COL20A1: variants seen among roughly 807,000 people sequenced by gnomAD.
The protein encoded by COL20A1 is collagen alpha-1(XX) chain.
A neutral mutation model predicts 152.9 loss-of-function variants in COL20A1; 164 were observed. The ratio of observed to expected loss-of-function variants is 1.07; its 90% confidence interval spans 0.94 to 1.22. The LOEUF is 1.22. COL20A1 is among the 50% of genes most tolerant of loss of function. COL20A1 has a pLI of 0.00. For synonymous variants in COL20A1, 864 were observed against 756.0 expected (o/e 1.14, Z -2.34); for missense variants, 1,873 against 1,744.8 (o/e 1.07, Z -1.31).
chr20:63,302,345 G>C (rs2067872020), intron 3 of COL20A1, among the ~76,000 whole-genome samples: 1 of 151,976 alleles, frequency 6.6e-6, no homozygotes, highest in Non-Finnish European at 1.5e-5. Context: ...TATTGAGATG[G>C]AATCTCACTC....
chr20:63,311,987 G>A lies in COL20A1; in HGVS notation c.1735G>A (p.Gly579Ser). ...CGACGCGGCACGAGTGTTCTGGGAG[G>A]GTGCCCCGAGGCCTGTGCGCCTGGT... Reference protein sequence around the residue: ...SHDAARVFWEGAPRPVRLVRV... With the variant: ...SHDAARVFWESAPRPVRLVRV... Residue 579 changes from glycine to serine, a missense_variant, in exon 14 of 36, where the codon GGT (glycine) becomes AGT (serine). Gly to Ser is a moderately conservative substitution (Grantham distance 56). Transcript: ENST00000358894. The surrounding 1 kb of genome is among the most constrained non-coding windows in gnomAD (Gnocchi z 4.4). The A allele has an allele frequency of 1.2e-6, 2 of 1,604,474 alleles. No homozygotes were observed. Among genetic ancestry groups the A allele is most frequent in the South Asian group, 2.2e-5 (2 of 89,696 alleles).
intron 20 of COL20A1, among the ~76,000 whole-genome samples, chr20:63,315,806 G>A (rs1786069166): frequency 6.6e-6 from 1 of 152,228 alleles, no homozygotes; most frequent in Admixed American, 6.5e-5. Flanking sequence ...CCCAGAGAGG[G>A]GCTGAGAGGT....
chr20:63,322,838 C>G (rs2068185796), intron 27 of COL20A1, among the ~76,000 whole-genome samples: 1 of 152,256 alleles, frequency 6.6e-6, no homozygotes, highest in African/African-American at 2.4e-5. Flanking sequence ...TCCCCGTGAG[C>G]AAAGACGTGC....
At chr20:63,299,211 G>A (rs2067836235) in intron 3 of COL20A1, among the ~76,000 whole-genome samples, 1 of 152,200 alleles carries the variant, frequency 6.6e-6, no homozygotes, top group African/African-American at 2.4e-5. Context: ...GATCCCGCGT[G>A]TGTTTCTGGT....
chr20:63,311,886 C>T lies in COL20A1; in HGVS notation c.1664-30C>T, dbSNP rs1234969604. 2 of 1,516,494 alleles carry T rather than the reference C, an allele frequency of 1.3e-6. No individual in the cohort carries two copies. Among genetic ancestry groups the T allele is most frequent in the Non-Finnish European group, 1.8e-6 (2 of 1,133,176 alleles). 93.9% of individuals were successfully genotyped at this position (1,516,494 alleles called of 1,614,324 possible). On this transcript the variant is annotated intron_variant, in intron 13 of 35. Coordinates refer to ENST00000358894, the MANE Select transcript of COL20A1 (RefSeq NM_020882.4). The surrounding 1 kb of genome is among the most constrained non-coding windows in gnomAD (Gnocchi z 4.4). Reference sequence around the variant, plus strand: ...TTGCCCCTGCCATGGAGGCCGCGTGCTGGCCTTGAGGCTCTGCTGTGCTTT... The same window carrying T: ...TTGCCCCTGCCATGGAGGCCGCGTGTTGGCCTTGAGGCTCTGCTGTGCTTT...
At chr20:63,320,769 T>C (rs2068151478) in intron 25 of COL20A1, among the ~76,000 whole-genome samples, 2 of 152,144 alleles carry the variant, frequency 1.3e-5, no homozygotes, top group Non-Finnish European at 1.5e-5. Flanking sequence ...CATTCTGTCC[T>C]GGGGCTCATG....
In COL20A1 at chr20:63,297,930, G is replaced by C. The variant is rs373850387; in HGVS notation, c.103G>C (p.Ala35Pro). Residue 35 changes from alanine to proline, a missense_variant, in exon 3 of 36, where the codon GCT becomes CCT. Ala to Pro is a conservative substitution (Grantham distance 27). Coordinates refer to ENST00000358894, the MANE Select transcript of COL20A1 (RefSeq NM_020882.4). The stretch of plus-strand genomic sequence containing the variant: ...TGTAGCAAGCGGTCTCCTGAGGCTG[G>C]CTGTGCTGCCTGAGGACCGGCTGCA... ...QVQASGLLRL[A>P]VLPEDRLQMK... The C allele has an allele frequency of 1.1e-5, 18 of 1,613,270 alleles. No individual in the cohort carries two copies. The African/African-American group carries it at 1.7e-4, about 16-fold the overall frequency.
At position 63,305,743 on chromosome 20, in the gene COL20A1, C is replaced by T; in HGVS notation, c.338-138C>T. On this transcript the variant is annotated intron_variant, in intron 4 of 35. Transcript: ENST00000358894. The surrounding 1 kb of genome is among the most constrained non-coding windows in gnomAD (Gnocchi z 4.9). The stretch of plus-strand genomic sequence containing the variant: ...GACTCACCAGCAAGGCTGCCTTGCC[C>T]CTGACATCTTTGCATGCCTCCCAGG... 1.8e-6 allele frequency: 2 copies of T among 1,107,210 alleles called. No homozygotes were observed. Among genetic ancestry groups the T allele is most frequent in the Non-Finnish European group, 2.6e-6 (2 of 772,522 alleles). 68.6% of individuals were successfully genotyped at this position (1,107,210 alleles called of 1,614,324 possible). A position where few individuals can be genotyped will look rare whatever the true frequency, so the allele number is the denominator to read the frequency against.
chr20:63,295,149 G>A lies in COL20A1; in HGVS notation c.42G>A (p.Trp14Ter). 6.4e-7 allele frequency: 1 copy of A among 1,555,266 alleles called. No homozygotes were observed. Among genetic ancestry groups the A allele is most frequent in the Non-Finnish European group, 8.7e-7 (1 of 1,149,760 alleles). Residue 14 changes from tryptophan to a stop codon, truncating the protein, a stop_gained, in exon 2 of 36, where the codon TGG becomes TGA. Coordinates refer to ENST00000358894, the MANE Select transcript of COL20A1 (RefSeq NM_020882.4). LOFTEE classifies it high-confidence loss of function. ...CTGCACACCTCGGCCTCTGCCTCTG[G>A]CTGTGGCTGGGCGCCACCCTGGGAA... ...GDPAHLGLCL[W>*]LWLGATLGRE...
chr20:63,312,554 G>C lies in COL20A1; in HGVS notation c.1933+5G>C. On this transcript the variant is annotated splice_donor_5th_base_variant and intron_variant, in intron 15 of 35. Coordinates refer to ENST00000358894, the MANE Select transcript of COL20A1 (RefSeq NM_020882.4). ...TGACTGGCCGGGTGACCACCAGTGA[G>C]TGGGGAGAGGCTGGGGCTGGGGGTC... The C allele has an allele frequency of 1.3e-6, 2 of 1,565,268 alleles. No homozygotes were observed. Among genetic ancestry groups the C allele is most frequent in the Non-Finnish European group, 1.7e-6 (2 of 1,161,212 alleles).
At chr20:63,329,958 G>A (rs1308817201) in intron 35 of COL20A1, among the ~76,000 whole-genome samples, 1 of 152,198 alleles carries the variant, frequency 6.6e-6, no homozygotes, top group Non-Finnish European at 1.5e-5. Flanking sequence ...GGGATGCAGA[G>A]TTGCGTGCTG....
chr20:63,300,563 T>A (rs776284706), intron 3 of COL20A1, among the ~76,000 whole-genome samples: 1 of 152,238 alleles, frequency 6.6e-6, no homozygotes, highest in Non-Finnish European at 1.5e-5. Context: ...CCGTTATTGA[T>A]TGAATCTTCT....
Position 63,310,413 on chromosome 20 carries a change from G to A in COL20A1, c.1296G>A (p.Glu432=), listed in dbSNP as rs1347796385. The part of the protein sequence containing the change: ...VVVEGPAAST[E]LHNLASRTEY... ...TGGAGGGACCCGCCGCCTCCACGGA[G>A]CTGCACAACCTGGCCTCCCGCACAG... The change falls in exon 11 of 36, where the codon GAG becomes GAA. Residue 432 remains glutamate (E), a synonymous_variant. Transcript: ENST00000358894. 6.2e-7 allele frequency: 1 copy of A among 1,610,994 alleles called. No homozygotes were observed. The highest frequency in any genetic ancestry group is 1.1e-5 in the South Asian group (1 of 90,522).
intron 1 of COL20A1, among the ~76,000 whole-genome samples, chr20:63,294,641 C>G (rs1396616218): frequency 6.6e-6 from 1 of 152,176 alleles, no homozygotes; most frequent in Non-Finnish European, 1.5e-5. Flanking sequence ...CCTTCCGCCT[C>G]CAGGGCGAGG....
At position 63,314,193 on chromosome 20, in the gene COL20A1, G is replaced by T; in HGVS notation, c.2480G>T (p.Gly827Val). 6.4e-7 allele frequency: 1 copy of T among 1,561,378 alleles called. No homozygotes were observed. The highest frequency in any genetic ancestry group is 8.7e-7 in the Non-Finnish European group (1 of 1,153,164). Residue 827 changes from glycine (G) to valine (V), a missense_variant, in exon 19 of 36, where the codon GGC (glycine) becomes GTC (valine). Transcript: ENST00000358894. Reference sequence around the variant, plus strand: ...AGGAGTGAGGCTGTGTCTGCCACGGGCCAGACAGGTGAGTGGGCACCAAGA... The same window carrying T: ...AGGAGTGAGGCTGTGTCTGCCACGGTCCAGACAGGTGAGTGGGCACCAAGA... ...AGRSEAVSATGQTACPALRPD... is the reference protein window; with the variant it reads ...AGRSEAVSATVQTACPALRPD...
At chr20:63,325,128 G>C in intron 27 of COL20A1, 1 of 501,780 alleles carries the variant, frequency 2.0e-6, no homozygotes, top group Non-Finnish European at 3.8e-6. Context: ...GGCTGCCCCT[G>C]CTCCTTTAAT....
Position 63,320,350 on chromosome 20 carries a change from C to T in COL20A1, c.3135C>T (p.Cys1045=), listed in dbSNP as rs1375683191. The T allele has an allele frequency of 6.2e-7, 1 of 1,611,318 alleles. No homozygotes were observed. The highest frequency in any genetic ancestry group is 8.5e-7 in the Non-Finnish European group (1 of 1,179,830). ...ACACCTGGGCCGATGAGGACCGGTG[C>T]TGTGAGCTCCCTGCCTCGGTGTGCC... The part of the protein sequence containing the change: ...CSDTWADEDR[C]CELPASRDGE... Residue 1045 remains cysteine, a synonymous_variant, in exon 25 of 36, where the codon TGC becomes TGT. Transcript: ENST00000358894.
At chr20:63,295,293 A>G (rs1055238952) in intron 2 of COL20A1, 104 bp downstream of exon 2, 3 of 708,854 alleles carry the variant, frequency 4.2e-6, no homozygotes, top group Non-Finnish European at 7.2e-6. Context: ...TCTTCCTCCT[A>G]AGTTGAATGC....
Position 63,313,339 on chromosome 20 carries a change from C to G in COL20A1, c.2209+90C>G. ...TCACCCGCTGCACAGGCCCAGGACC[C>G]TAGACTCCCAGAACTGCTGGCTCCA... On this transcript the variant is annotated intron_variant, in intron 17 of 35. Coordinates refer to ENST00000358894, the MANE Select transcript of COL20A1 (RefSeq NM_020882.4). This position sits in a 1 kb window ranked among gnomAD's most constrained non-coding sequence, Gnocchi z 5.9. The G allele has an allele frequency of 7.2e-7, 1 of 1,390,572 alleles. No homozygotes were observed. Among genetic ancestry groups the G allele is most frequent in the Non-Finnish European group, 9.8e-7 (1 of 1,025,218 alleles). The allele number at this position is 1,390,572 out of a possible 1,614,324, so 86.1% of individuals were successfully genotyped here. A position where few individuals can be genotyped will look rare whatever the true frequency, so the allele number is the denominator to read the frequency against.
Sources: allele counts gnomAD v4.1 joint callset (sites outside exome capture counted in the v4.1 genomes callset), GRCh38; gene constraint gnomAD v4.1.1; non-coding constraint Gnocchi (gnomAD v3.1); transcripts MANE v1.5; gene names NCBI Gene and HGNC (gene_info 2026-07-23, HGNC 2026-07-21).